GAN: variants seen among roughly 807,000 people sequenced by gnomAD.
The protein encoded by GAN is gigaxonin.
In GAN, 48 loss-of-function variants were observed where a neutral mutation model predicts 71.3. The ratio of observed to expected loss-of-function variants is 0.67; its 90% confidence interval spans 0.53 to 0.86. GAN has a LOEUF of 0.86. GAN is among the 40% of genes least tolerant of loss of function. The pLI is 0.00. For missense variants in GAN, 928 were observed against 770.1 expected (o/e 1.21, Z -2.43); for synonymous variants, 386 against 276.8 (o/e 1.39, Z -3.92).
Position 81,365,081 on chromosome 16 carries a change from G to C in GAN, c.1344G>C (p.Trp448Cys). The part of the protein sequence containing the change: ...VECYDPRTQQ[W>C]TAICPLKERR... ...GTTATGATCCCAGGACCCAGCAGTG[G>C]ACTGCCATATGTCCACTAAAAGAGA... Residue 448 changes from tryptophan to cysteine, a missense_variant, in exon 8 of 11, where the codon TGG (tryptophan) becomes TGC (cysteine). Trp to Cys is a radical substitution (Grantham distance 215). Coordinates refer to ENST00000648994, the MANE Select transcript of GAN (RefSeq NM_022041.4). 1 of 1,613,982 alleles carries C rather than the reference G, an allele frequency of 6.2e-7. No homozygotes were observed. Among genetic ancestry groups the C allele is most frequent in the Non-Finnish European group, 8.5e-7 (1 of 1,179,896 alleles).
chr16:81,377,234 C>G lies in GAN; in HGVS notation c.1518C>G (p.Asn506Lys). Residue 506 changes from asparagine (N) to lysine (K), a missense_variant, in exon 10 of 11, where the codon AAC (asparagine) becomes AAG (lysine). Transcript: ENST00000648994. ...HDEFKRWIYL[N>K]DQNLCIPASS... ...TTGTTTTCAGGTGGATCTATCTTAA[C>G]GACCAGAATTTATGCATCCCCGCCA... The G allele has an allele frequency of 6.2e-7, 1 of 1,604,526 alleles. No homozygotes were observed. The highest frequency in any genetic ancestry group is 1.1e-5 in the South Asian group (1 of 90,876).
In GAN at chr16:81,383,935, G is replaced by T. The variant is rs1367915081; in HGVS notation, c.*6339G>T. 1 of 152,090 alleles carries T rather than the reference G, an allele frequency of 6.6e-6. No individual in the cohort carries two copies. The highest frequency in any genetic ancestry group is 1.5e-5 in the Non-Finnish European group (1 of 68,016). The allele number at this position is 152,090 out of a possible 1,614,324, so 9.4% of individuals were successfully genotyped here. A position where few individuals can be genotyped will look rare whatever the true frequency, so the allele number is the denominator to read the frequency against. The stretch of plus-strand genomic sequence containing the variant: ...TCTTATTTTTAGCATTTCATTACAA[G>T]TAATAGGTTTGGGTACCTTATTTTT... On this transcript the variant is annotated 3_prime_UTR_variant, in exon 11 of 11. Transcript: ENST00000648994.
intron 2 of GAN, among the ~76,000 whole-genome samples, chr16:81,352,418 G>T (rs1470509060): frequency 6.6e-6 from 1 of 152,144 alleles, no homozygotes; most frequent in African/African-American, 2.4e-5. Flanking sequence ...AAAATCTTCC[G>T]TGTGAATCAG....
intron 1 of GAN, among the ~76,000 whole-genome samples, chr16:81,325,165 T>C (rs1359828680): frequency 2.0e-5 from 3 of 152,238 alleles, no homozygotes; most frequent in Non-Finnish European, 4.4e-5. Flanking sequence ...TTAGGAAGAC[T>C]AGTGAAATAC....
intron 9 of GAN, among the ~76,000 whole-genome samples, 190 bp from the exon 10 acceptor site, chr16:81,377,029 A>T (rs1458397863): frequency 1.3e-5 from 2 of 152,206 alleles, no homozygotes; most frequent in African/African-American, 2.4e-5. Context: ...GTTTCATTCT[A>T]GCACAGACAA....
intron 1 of GAN, among the ~76,000 whole-genome samples, chr16:81,317,425 A>G (rs527930546): frequency 1.3e-5 from 2 of 152,372 alleles, no homozygotes; most frequent in South Asian, 4.1e-4. Context: ...GCTTCAGCTC[A>G]CTAATCTGAT....
At chr16:81,357,105 A>T in intron 4 of GAN, 103 bp downstream of exon 4, 2 of 837,940 alleles carry the variant, frequency 2.4e-6, no homozygotes, top group East Asian at 4.9e-5. Flanking sequence ...ACATAATTAC[A>T]TTTGATTTTT....
intron 9 of GAN, 52 bp from the exon 10 acceptor site, chr16:81,377,164 ATGT>A (rs1904284268): frequency 9.8e-6 from 10 of 1,022,774 alleles, no homozygotes; most frequent in Middle Eastern, 2.0e-4. Context: ...GTCTTCCTAG[ATGT>A]TGTTGTCATC....
intron 1 of GAN, among the ~76,000 whole-genome samples, chr16:81,324,466 C>G (rs2150668513): frequency 6.6e-6 from 1 of 152,148 alleles, no homozygotes; most frequent in East Asian, 1.9e-4. Context: ...GGGGAGGCAC[C>G]AGGATCAGGG....
rs1904287122 is a variant in GAN, at chr16:81,377,791, C to A, written c.*195C>A. 1.6e-6 allele frequency: 1 copy of A among 614,950 alleles called. No individual in the cohort carries two copies. The highest frequency in any genetic ancestry group is 1.8e-5 in the African/African-American group (1 of 54,378). 38.1% of individuals were successfully genotyped at this position (614,950 alleles called of 1,614,324 possible). A position where few individuals can be genotyped will look rare whatever the true frequency, so the allele number is the denominator to read the frequency against. On this transcript the variant is annotated 3_prime_UTR_variant, in exon 11 of 11. Coordinates refer to ENST00000648994, the MANE Select transcript of GAN (RefSeq NM_022041.4). ...GAACACGTAACTGTTGAAAAACTAC[C>A]TGGGAGGAGTGAGTTCCTCCAGTTA...
intron 1 of GAN, among the ~76,000 whole-genome samples, chr16:81,350,144 A>G (rs1910250078): frequency 6.6e-6 from 1 of 152,154 alleles, no homozygotes; most frequent in Non-Finnish European, 1.5e-5. Flanking sequence ...GATTAGTATC[A>G]CAAATATGTA....
chr16:81,361,114 A>G (rs1298074038), intron 5 of GAN, among the ~76,000 whole-genome samples: 2 of 152,210 alleles, frequency 1.3e-5, no homozygotes, highest in Non-Finnish European at 2.9e-5. Flanking sequence ...AATCCCAGAT[A>G]TTCAGGAGGG....
At chr16:81,323,349 T>A (rs1348009820) in intron 1 of GAN, among the ~76,000 whole-genome samples, 1 of 152,240 alleles carries the variant, frequency 6.6e-6, no homozygotes, top group Non-Finnish European at 1.5e-5. Flanking sequence ...CATCTCATTT[T>A]TATCACCCCC....
At chr16:81,374,375 G>A (rs1282840167) in intron 9 of GAN, among the ~76,000 whole-genome samples, 4 of 152,112 alleles carry the variant, frequency 2.6e-5, no homozygotes, top group South Asian at 2.1e-4. Context: ...TTTGCAAAAC[G>A]ATTTTCTCCT....
intron 1 of GAN, among the ~76,000 whole-genome samples, chr16:81,347,057 C>T (rs967028711): frequency 2.0e-5 from 3 of 152,196 alleles, no homozygotes; most frequent in Admixed American, 1.3e-4. Flanking sequence ...TAAGTGAAGA[C>T]ATGTCTGCTG....
rs58464258 is a variant in GAN, at chr16:81,360,068, T to TGGATGGATAGATGGAC, written c.973+2137_973+2138insGGATGGATAGATGGAC. On this transcript the variant is annotated intron_variant, in intron 5 of 10. Transcript: ENST00000648994. ...ATGGATGGATGGATGGATGGATGGA[T>TGGATGGATAGATGGAC]AGATGGATGGACAGACAGATAGGTA... Among the ~76,000 whole-genome samples, 44 of 145,932 alleles carry TGGATGGATAGATGGAC rather than the reference T, an allele frequency of 3.0e-4. 2 individuals are homozygous for TGGATGGATAGATGGAC. The highest frequency in any genetic ancestry group is 6.9e-4 in the Admixed American group (10 of 14,470).
intron 1 of GAN, among the ~76,000 whole-genome samples, chr16:81,325,434 T>C (rs1909353504): frequency 6.6e-6 from 1 of 152,100 alleles, no homozygotes; most frequent in Non-Finnish European, 1.5e-5. Context: ...TTTGGGGTAG[T>C]GAATAGGAAC....
At chr16:81,317,339 G>C (rs1909077998) in intron 1 of GAN, among the ~76,000 whole-genome samples, 1 of 152,226 alleles carries the variant, frequency 6.6e-6, no homozygotes, top group Non-Finnish European at 1.5e-5. Context: ...AAACGCACTG[G>C]ATTCAGAGTT....
intron 6 of GAN, 144 bp downstream of exon 6, chr16:81,362,755 C>T (rs1233205015): frequency 2.4e-5 from 17 of 698,858 alleles, no homozygotes; most frequent in South Asian, 4.5e-5. Context: ...TTCTAGTGCC[C>T]GGCTCTCCTC....
Sources: allele counts gnomAD v4.1 joint callset (sites outside exome capture counted in the v4.1 genomes callset), GRCh38; gene constraint gnomAD v4.1.1; transcripts MANE v1.5; gene names NCBI Gene and HGNC (gene_info 2026-07-23, HGNC 2026-07-21).